The following GALNT9 variants were observed in gnomAD, a reference collection of about 807,000 sequenced individuals.
GALNT9 encodes the protein polypeptide N-acetylgalactosaminyltransferase 9.
A neutral mutation model predicts 63.1 loss-of-function variants in GALNT9; 47 were observed. The ratio of observed to expected loss-of-function variants is 0.75; its 90% CI spans 0.59 to 0.95. The LOEUF is 0.95. Ranked by LOEUF, GALNT9 falls within the 40% of genes least tolerant of loss-of-function variation. GALNT9 has a pLI of 0.00. For synonymous variants in GALNT9, 396 were observed against 365.7 expected (o/e 1.08, Z -0.94); for missense variants, 829 against 874.8 (o/e 0.95, Z 0.66).
intron 1 of GALNT9, among the ~76,000 whole-genome samples, chr12:132,308,287 G>A (rs1555244829): frequency 6.6e-6 from 1 of 152,242 alleles, no homozygotes; most frequent in Non-Finnish European, 1.5e-5. Context: ...TGCCAGAGCT[G>A]TGAAAGAAGA....
intron 1 of GALNT9, among the ~76,000 whole-genome samples, chr12:132,307,605 G>C (rs1278214844): frequency 6.6e-6 from 1 of 151,534 alleles, no homozygotes; most frequent in African/African-American, 2.4e-5. Flanking sequence ...AGGCCAAGGC[G>C]GGTGGATCAC....
At chr12:132,261,957 T>C (rs1399306503) in intron 3 of GALNT9, among the ~76,000 whole-genome samples, 1 of 152,166 alleles carries the variant, frequency 6.6e-6, no homozygotes, top group Non-Finnish European at 1.5e-5. Context: ...GCGAGCTCTG[T>C]CCAGCCAAGC....
chr12:132,326,893 G>C (rs1869059637), intron 1 of GALNT9, among the ~76,000 whole-genome samples: 1 of 152,206 alleles, frequency 6.6e-6, no homozygotes. Context: ...CATGGCGACA[G>C]ACATCAGGCC....
intron 5 of GALNT9, among the ~76,000 whole-genome samples, chr12:132,249,614 TTTC>T (rs1878834143): frequency 6.6e-6 from 1 of 152,238 alleles, no homozygotes; most frequent in Admixed American, 6.5e-5. Flanking sequence ...TTTCTCCTGT[TTTC>T]TTAACAACAA....
In GALNT9 at chr12:132,329,086, T is replaced by C; in HGVS notation, c.118A>G (p.Ile40Val). The change falls in exon 1 of 11, where the codon ATC becomes GTC. Residue 40 changes from isoleucine (I) to valine (V), a missense_variant. Physicochemically the swap from Ile to Val is conservative, Grantham distance 29. Coordinates refer to ENST00000328957, the MANE Select transcript of GALNT9 (RefSeq NM_001122636.2). The stretch of plus-strand genomic sequence containing the variant: ...CGCACCCGGCGGTCGCCGCTCACGA[T>C]GCGCACGAGCTCCTGGGAGCGGCCC... The part of the protein sequence containing the change: ...LQGRSQELVR[I>V]VSGDRRVRSR... The C allele has an allele frequency of 6.5e-7, 1 of 1,548,598 alleles. No homozygotes were observed. Among genetic ancestry groups the C allele is most frequent in the Non-Finnish European group, 8.7e-7 (1 of 1,146,468 alleles).
chr12:132,253,892 C>A lies in GALNT9; in HGVS notation c.959+3797G>T, dbSNP rs569913647. On this transcript the variant is annotated intron_variant, in intron 5 of 10. Coordinates refer to ENST00000328957, the MANE Select transcript of GALNT9 (RefSeq NM_001122636.2). ...GCCAGAAGCCTGGGTGGCAGCTGCT[C>A]CCCTCTGCCCTGATATGCAAATGAG... Among the ~76,000 whole-genome samples, 4 of 152,310 alleles carry A rather than the reference C, an allele frequency of 2.6e-5. No homozygotes were observed. The South Asian group carries it at 8.3e-4, about 32-fold the overall frequency.
At chr12:132,235,289 C>G (rs1243386548) in intron 6 of GALNT9, among the ~76,000 whole-genome samples, 5 of 151,864 alleles carry the variant, frequency 3.3e-5, no homozygotes, top group African/African-American at 1.2e-4. Context: ...GAGCCGGGTG[C>G]GGTGGGCGCT....
intron 4 of GALNT9, 69 bp downstream of exon 4, chr12:132,260,879 G>A: frequency 1.4e-6 from 2 of 1,447,756 alleles, no homozygotes; most frequent in Non-Finnish European, 1.8e-6. Context: ...CAGCCGCACG[G>A]CGGCTTAGGA....
At chr12:132,243,305 A>G (rs1322401697) in intron 6 of GALNT9, among the ~76,000 whole-genome samples, 1 of 119,260 alleles carries the variant, frequency 8.4e-6, no homozygotes, top group Non-Finnish European at 1.7e-5. Context: ...CCCTCCCTAT[A>G]CCCATTACAC....
At chr12:132,322,510 G>C (rs895226155) in intron 1 of GALNT9, among the ~76,000 whole-genome samples, 1 of 152,252 alleles carries the variant, frequency 6.6e-6, no homozygotes, top group Non-Finnish European at 1.5e-5. Context: ...ATCCCCGTCC[G>C]TGACTCAGTT....
chr12:132,319,500 C>G lies in GALNT9; in HGVS notation c.238+9466G>C, dbSNP rs28622542. 0.068 allele frequency among the ~76,000 whole-genome samples: 10,359 copies of G among 152,258 alleles called. 407 individuals carry two copies. The highest frequency in any genetic ancestry group is 0.1 in the Middle Eastern group (30 of 294). On this transcript the variant is annotated intron_variant, in intron 1 of 10. Coordinates refer to ENST00000328957, the MANE Select transcript of GALNT9 (RefSeq NM_001122636.2). This position sits in a 1 kb window ranked among gnomAD's most constrained non-coding sequence, Gnocchi z 5.2. ...AAAGGACCCCACCCAGCTTCCCGGG[C>G]CTGCAGCTTGCAGACGGCAGATGAT...
At chr12:132,240,079 C>T (rs1214582709) in intron 6 of GALNT9, among the ~76,000 whole-genome samples, 3 of 152,182 alleles carry the variant, frequency 2.0e-5, no homozygotes, top group Admixed American at 1.3e-4. Flanking sequence ...TATAGAACTG[C>T]TCCCCTTGGG....
rs192588536 is a variant in GALNT9, at chr12:132,306,205, G to A, written c.239-19775C>T. The stretch of plus-strand genomic sequence containing the variant: ...GGAAGCGGCTGTCCGCACCGGAACC[G>A]CCTGCGGAGTGTGAGGGCGCCGGCA... On this transcript the variant is annotated intron_variant, in intron 1 of 10. Coordinates refer to ENST00000328957, the MANE Select transcript of GALNT9 (RefSeq NM_001122636.2). Among the ~76,000 whole-genome samples, 342 of 152,362 alleles carry A rather than the reference G, an allele frequency of 2.2e-3. 2 individuals carry two copies. Among genetic ancestry groups the A allele is most frequent in the African/African-American group, 7.8e-3 (324 of 41,594 alleles).
intron 6 of GALNT9, among the ~76,000 whole-genome samples, chr12:132,209,362 TA>T (rs535876437): frequency 6.6e-6 from 1 of 150,476 alleles, no homozygotes; most frequent in Non-Finnish European, 1.5e-5. Context: ...CCGTCTTTAC[TA>T]AAAAAAATAA....
chr12:132,201,620 T>C (rs1032012710), intron 7 of GALNT9, among the ~76,000 whole-genome samples: 16 of 143,304 alleles, frequency 1.1e-4, no homozygotes, highest in African/African-American at 3.7e-4. Flanking sequence ...CTCTGGAGGG[T>C]GGAGACTGAG....
intron 6 of GALNT9, among the ~76,000 whole-genome samples, chr12:132,241,587 C>A (rs1555237155): frequency 3.2e-5 from 3 of 95,156 alleles, no homozygotes; most frequent in African/African-American, 9.1e-5. Flanking sequence ...CTTCCCGGGG[C>A]CCTCCCTATA....
chr12:132,261,806 T>A (rs1879398519), intron 3 of GALNT9, among the ~76,000 whole-genome samples: 1 of 152,160 alleles, frequency 6.6e-6, no homozygotes, highest in African/African-American at 2.4e-5. Context: ...GAAGGGCAGA[T>A]GGGGGACAGG....
rs531271290 is a variant in GALNT9 at position 132,252,077 on chromosome 12, G to C, written c.960-4050C>G. 1.3e-5 allele frequency among the ~76,000 whole-genome samples: 2 copies of C among 152,310 alleles called. No homozygotes were observed. The highest frequency in any genetic ancestry group is 6.5e-5 in the Admixed American group (1 of 15,296). The stretch of plus-strand genomic sequence containing the variant: ...TGAGGATGGTCCCCAGCGTCTGTCT[G>C]GGAGAAAGGAGCAGGGGAGCAGGAA... On this transcript the variant is annotated intron_variant, in intron 5 of 10. Coordinates refer to ENST00000328957, the MANE Select transcript of GALNT9 (RefSeq NM_001122636.2). This position sits in a 1 kb window ranked among gnomAD's most constrained non-coding sequence, Gnocchi z 5.2.
chr12:132,240,630 A>C (rs2136898960), intron 6 of GALNT9: 7 of 450,836 alleles, frequency 1.6e-5, no homozygotes, highest in South Asian at 9.4e-5. Flanking sequence ...GCTGTGCTCT[A>C]TGGGCCTCGG....
Sources: gnomAD v4.1 joint callset for allele counts (sites outside exome capture counted in the v4.1 genomes callset) on GRCh38, gnomAD v4.1.1 for gene constraint, Gnocchi (gnomAD v3.1) non-coding constraint, MANE v1.5 for transcripts, NCBI Gene and HGNC (gene_info 2026-07-23, HGNC 2026-07-21) for gene names.